CYSLTR2: variants seen among roughly 807,000 people sequenced by gnomAD.
The protein encoded by CYSLTR2 is G-protein coupled receptor GPCR21.
For missense variants in CYSLTR2, 398 were observed against 411.9 expected (o/e 0.97, Z 0.29); for synonymous variants, 179 against 160.8 (o/e 1.11, Z -0.86).
At chr13:48,675,292 A>C (rs1016823902) in intron 1 of CYSLTR2, among the ~76,000 whole-genome samples, 2 of 152,188 alleles carry the variant, frequency 1.3e-5, no homozygotes, top group African/African-American at 4.8e-5. Flanking sequence ...AGCTTTATCT[A>C]TAAGCCCCTA....
chr13:48,657,247 G>C (rs1047114070), intron 1 of CYSLTR2, among the ~76,000 whole-genome samples: 2 of 152,184 alleles, frequency 1.3e-5, no homozygotes, highest in African/African-American at 4.8e-5. Flanking sequence ...CCAATGGATT[G>C]ATGACTTTGT....
At chr13:48,690,220 T>G (rs2138935758) in intron 1 of CYSLTR2, among the ~76,000 whole-genome samples, 1 of 152,326 alleles carries the variant, frequency 6.6e-6, no homozygotes. Context: ...TGACTTCCTC[T>G]CTTCCTATTT....
Position 48,673,721 on chromosome 13 carries a change from C to T in CYSLTR2, c.-265-17491C>T, listed in dbSNP as rs117817898. Among the ~76,000 whole-genome samples, 744 of 152,112 alleles carry T rather than the reference C, an allele frequency of 4.9e-3. 3 individuals are homozygous for T. The highest frequency in any genetic ancestry group is 0.014 in the Middle Eastern group (4 of 294). On this transcript the variant is annotated intron_variant, in intron 1 of 4. Coordinates refer to ENST00000682523, the MANE Select transcript of CYSLTR2 (RefSeq NM_001308476.3). ...TGATGCAGTTTCTTTATAGTGTCGA[C>T]GGTCTTTACATTTTGGTATGTTTTT...
At chr13:48,690,478 T>C (rs113715021) in intron 1 of CYSLTR2, among the ~76,000 whole-genome samples, 2,935 of 152,292 alleles carry the variant, frequency 0.019, 84 homozygotes, top group African/African-American at 0.06. Context: ...TGTTGAATTA[T>C]ATCAAAGGCC....
intron 1 of CYSLTR2, among the ~76,000 whole-genome samples, chr13:48,683,341 CACAA>C (rs763090275): frequency 2.6e-5 from 4 of 152,352 alleles, no homozygotes; most frequent in South Asian, 2.1e-4. Context: ...TTTACACTCT[CACAA>C]ACAGTGTATA....
In CYSLTR2 at chr13:48,654,249, CTT is replaced by C. The variant is rs1362180052; in HGVS notation, c.-266+234_-266+235del. Reference sequence around the variant, plus strand: ...TCTATTGATATTTTGGGGATCGTCCCTTTGTGTGTGTGTGTGTGTGTGTGTGT... The same window carrying C: ...TCTATTGATATTTTGGGGATCGTCCCTGTGTGTGTGTGTGTGTGTGTGTGT... On this transcript the variant is annotated intron_variant, in intron 1 of 4. Transcript: ENST00000682523. Among the ~76,000 whole-genome samples the C allele has an allele frequency of 8.3e-3, 1,094 of 132,186 alleles. 15 individuals are homozygous for C. Among genetic ancestry groups the C allele is most frequent in the African/African-American group, 0.028 (1,010 of 35,654 alleles). The allele number at this position is 132,186 out of a possible 152,430, so 86.7% of individuals were successfully genotyped here.
chr13:48,663,806 G>T (rs2138821363), intron 1 of CYSLTR2, among the ~76,000 whole-genome samples: 1 of 152,152 alleles, frequency 6.6e-6, no homozygotes, highest in African/African-American at 2.4e-5. Context: ...TCTTGAATAT[G>T]AATGCCATTT....
chr13:48,697,934 T>C (rs1189226739), intron 4 of CYSLTR2, among the ~76,000 whole-genome samples: 2 of 152,006 alleles, frequency 1.3e-5, no homozygotes, highest in Admixed American at 6.5e-5. Flanking sequence ...TAAGATCAAA[T>C]GAGTGAAATG....
chr13:48,673,762 G>T (rs1292987014), intron 1 of CYSLTR2, among the ~76,000 whole-genome samples: 3 of 152,024 alleles, frequency 2.0e-5, no homozygotes, highest in Admixed American at 2.0e-4. Flanking sequence ...AGCTGGTACC[G>T]GTTTTTCTTT....
At chr13:48,699,310 A>G (rs1954279314) in intron 4 of CYSLTR2, among the ~76,000 whole-genome samples, 1 of 152,236 alleles carries the variant, frequency 6.6e-6, no homozygotes, top group South Asian at 2.1e-4. Context: ...AACAGAAATT[A>G]TAACAAACTG....
At chr13:48,700,719 G>C (rs1423765378) in intron 4 of CYSLTR2, among the ~76,000 whole-genome samples, 3 of 152,176 alleles carry the variant, frequency 2.0e-5, no homozygotes, top group Non-Finnish European at 2.9e-5. Flanking sequence ...AAAAGAGGAA[G>C]TCAAATTGTC....
intron 1 of CYSLTR2, among the ~76,000 whole-genome samples, chr13:48,680,795 CTTTTCTTTTTTTTT>C (rs1185361590): frequency 1.8e-5 from 2 of 110,618 alleles, no homozygotes; most frequent in African/African-American, 8.3e-5. Flanking sequence ...CTTTTCTTTT[CTTTTCTTTTTTTTT>C]TTTTTTTTTT....
intron 1 of CYSLTR2, among the ~76,000 whole-genome samples, chr13:48,689,800 T>C (rs1217881949): frequency 6.6e-6 from 1 of 152,182 alleles, no homozygotes; most frequent in African/African-American, 2.4e-5. Flanking sequence ...AGAAACTCAA[T>C]AGTAGCTTGA....
intron 1 of CYSLTR2, among the ~76,000 whole-genome samples, 158 bp from the exon 2 acceptor site, chr13:48,691,054 A>C (rs1954026678): frequency 6.6e-6 from 1 of 152,032 alleles, no homozygotes; most frequent in Admixed American, 6.6e-5. Context: ...GGTCTGGATG[A>C]GGGCAATTTA....
chr13:48,705,995 TG>T (rs1419257912), intron 4 of CYSLTR2, among the ~76,000 whole-genome samples: 8 of 138,224 alleles, frequency 5.8e-5, no homozygotes, highest in African/African-American at 1.8e-4. Context: ...TTTGTTTTGT[TG>T]TTGTTTTTTT....
At chr13:48,669,350 C>T (rs570542426) in intron 1 of CYSLTR2, among the ~76,000 whole-genome samples, 1 of 151,922 alleles carries the variant, frequency 6.6e-6, no homozygotes, top group African/African-American at 2.4e-5. Flanking sequence ...CAAAGGCATA[C>T]ACATGCCATG....
chr13:48,695,005 A>T (rs999155991), intron 3 of CYSLTR2, among the ~76,000 whole-genome samples: 1 of 150,084 alleles, frequency 6.7e-6, no homozygotes, highest in African/African-American at 2.4e-5. Context: ...AAATAGAAAA[A>T]TCTCTTGTAC....
Position 48,707,215 on chromosome 13 carries a change from G to A in CYSLTR2, c.398G>A (p.Ser133Asn), listed in dbSNP as rs1426313553. 6.2e-7 allele frequency: 1 copy of A among 1,614,160 alleles called. No individual in the cohort carries two copies. ...AGTATTTATTTCCTGACCGTGCTGA[G>A]TGTTGTGCGTTTCCTGGCAATGGTT... is the stretch of plus-strand genomic sequence containing the variant. ...YSSIYFLTVL[S>N]VVRFLAMVHP... The change falls in exon 5 of 5, where the codon AGT becomes AAT. Residue 133 changes from serine to asparagine, a missense_variant. Ser to Asn is a conservative substitution (Grantham distance 46). Coordinates refer to ENST00000682523, the MANE Select transcript of CYSLTR2 (RefSeq NM_001308476.3).
intron 1 of CYSLTR2, among the ~76,000 whole-genome samples, chr13:48,673,212 G>T (rs1405548489): frequency 6.6e-6 from 1 of 152,114 alleles, no homozygotes; most frequent in Non-Finnish European, 1.5e-5. Flanking sequence ...GGGTGTTAAA[G>T]TCTCCCACTA....
Sources: allele counts gnomAD v4.1 joint callset (sites outside exome capture counted in the v4.1 genomes callset), GRCh38; gene constraint gnomAD v4.1.1; transcripts MANE v1.5; gene names NCBI Gene and HGNC (gene_info 2026-07-23, HGNC 2026-07-21).